Variants in RCAN2 observed in about 807,000 individuals in gnomAD.
RCAN2 encodes the protein regulator of calcineurin 2.
RCAN2 carries 9 observed loss-of-function variants against 23.6 expected under a neutral mutation model. That is an observed-to-expected ratio of 0.38 (90% confidence interval 0.23 to 0.67). The LOEUF is 0.67. Ranked by LOEUF, RCAN2 falls within the 30% of genes least tolerant of loss-of-function variation. The pLI is 0.51. For synonymous variants in RCAN2, 109 were observed against 115.7 expected (o/e 0.94, Z 0.37); for missense variants, 273 against 302.3 (o/e 0.90, Z 0.72).
At chr6:46,395,285 C>T (rs1355831150) in intron 2 of RCAN2, among the ~76,000 whole-genome samples, 2 of 152,072 alleles carry the variant, frequency 1.3e-5, no homozygotes, top group African/African-American at 2.4e-5. Flanking sequence ...AGATAAGATG[C>T]AAGCTGAGTC....
chr6:46,302,140 T>C (rs1002170150), intron 2 of RCAN2, among the ~76,000 whole-genome samples: 5 of 151,948 alleles, frequency 3.3e-5, no homozygotes, highest in South Asian at 2.1e-4. Context: ...GTGAAATCAA[T>C]AGGACTTGCT....
chr6:46,247,929 G>A (rs1766576806), intron 3 of RCAN2, among the ~76,000 whole-genome samples: 1 of 152,156 alleles, frequency 6.6e-6, no homozygotes, highest in Non-Finnish European at 1.5e-5. Context: ...TTAAAGACGA[G>A]GAAACTGAGG....
At chr6:46,246,958 T>G in intron 3 of RCAN2, 39 bp from the exon 4 acceptor site, 1 of 1,445,486 alleles carries the variant, frequency 6.9e-7, no homozygotes, top group Non-Finnish European at 9.2e-7. Context: ...TTATTCATCA[T>G]GGCTTCAGAT....
In RCAN2 at chr6:46,369,519, C is replaced by T. The variant is rs531645252; in HGVS notation, c.225+87233G>A. On this transcript the variant is annotated intron_variant, in intron 2 of 4. Transcript: ENST00000371374. The stretch of plus-strand genomic sequence containing the variant: ...TTGCATCACAACGTTAGGATGGCTA[C>T]CACATCACTAGGTAACAGAAATTTT... 3.2e-4 allele frequency among the ~76,000 whole-genome samples: 49 copies of T among 152,232 alleles called. 1 individual carries two copies. The South Asian group carries it at 8.3e-3, about 26-fold the overall frequency.
chr6:46,425,002 C>T (rs1226325883), intron 2 of RCAN2, among the ~76,000 whole-genome samples: 1 of 152,136 alleles, frequency 6.6e-6, no homozygotes, highest in Non-Finnish European at 1.5e-5. Flanking sequence ...TTGTATAATA[C>T]ATACCAAGTA....
intron 2 of RCAN2, among the ~76,000 whole-genome samples, chr6:46,250,737 G>A (rs1004437948): frequency 6.6e-6 from 1 of 152,186 alleles, no homozygotes; most frequent in Non-Finnish European, 1.5e-5. Context: ...ATTTTAATAA[G>A]AGCATTTATA....
intron 1 of RCAN2, among the ~76,000 whole-genome samples, chr6:46,487,756 T>A (rs971800350): frequency 1.3e-5 from 2 of 152,214 alleles, no homozygotes; most frequent in Non-Finnish European, 2.9e-5. Context: ...GGCACTCCCA[T>A]TAGCTCTGTA....
chr6:46,357,108 G>C (rs999813672), intron 2 of RCAN2, among the ~76,000 whole-genome samples: 1 of 152,172 alleles, frequency 6.6e-6, no homozygotes, highest in African/African-American at 2.4e-5. Context: ...TGCCATATCA[G>C]GCTGCCTCTG....
chr6:46,454,852 C>G (rs974628426), intron 2 of RCAN2, among the ~76,000 whole-genome samples: 5 of 152,182 alleles, frequency 3.3e-5, no homozygotes, highest in Admixed American at 6.5e-5. Context: ...CCCATGAACT[C>G]CCCCCTCCAG....
At chr6:46,469,814 C>T (rs1465369851) in intron 1 of RCAN2, among the ~76,000 whole-genome samples, 3 of 152,148 alleles carry the variant, frequency 2.0e-5, no homozygotes, top group Non-Finnish European at 4.4e-5. Flanking sequence ...AAGGGCTTCT[C>T]CCCTTGTGAA....
At chr6:46,349,290 C>G (rs1764577982) in intron 2 of RCAN2, among the ~76,000 whole-genome samples, 1 of 152,042 alleles carries the variant, frequency 6.6e-6, no homozygotes, top group African/African-American at 2.4e-5. Context: ...ACAGATAACA[C>G]AAGTAAAGAA....
intron 4 of RCAN2, among the ~76,000 whole-genome samples, chr6:46,228,703 C>G (rs1284562647): frequency 6.6e-6 from 1 of 152,138 alleles, no homozygotes; most frequent in Non-Finnish European, 1.5e-5. Flanking sequence ...GAATACAGCA[C>G]ACTGATGGGT....
intron 4 of RCAN2, among the ~76,000 whole-genome samples, chr6:46,242,111 G>A (rs1272493903): frequency 1.3e-5 from 2 of 152,180 alleles, no homozygotes; most frequent in South Asian, 2.1e-4. Flanking sequence ...GTCTCCTGTC[G>A]CAACATCTTA....
At chr6:46,419,047 A>T (rs1198613881) in intron 2 of RCAN2, among the ~76,000 whole-genome samples, 3 of 152,030 alleles carry the variant, frequency 2.0e-5, no homozygotes, top group African/African-American at 7.2e-5. Flanking sequence ...AAAATAACAT[A>T]ATTTGGCTAC....
chr6:46,365,197 T>G (rs141012322), intron 2 of RCAN2, among the ~76,000 whole-genome samples: 1,662 of 152,156 alleles, frequency 0.011, 16 homozygotes, highest in Non-Finnish European at 0.018. Context: ...GTCTTCTAGC[T>G]AGGCACGGTG....
intron 2 of RCAN2, among the ~76,000 whole-genome samples, chr6:46,435,608 A>G (rs1767341836): frequency 6.6e-6 from 1 of 152,244 alleles, no homozygotes; most frequent in African/African-American, 2.4e-5. Context: ...AAGCACCCGC[A>G]GAGGAATGTA....
At chr6:46,319,104 AG>A (rs1444662850) in intron 2 of RCAN2, among the ~76,000 whole-genome samples, 1 of 152,230 alleles carries the variant, frequency 6.6e-6, no homozygotes, top group Non-Finnish European at 1.5e-5. Flanking sequence ...AAGAAATTCT[AG>A]GCCAGGTATG....
At chr6:46,268,053 CA>C (rs1181973632) in intron 2 of RCAN2, among the ~76,000 whole-genome samples, 1 of 152,032 alleles carries the variant, frequency 6.6e-6, no homozygotes, top group African/African-American at 2.4e-5. Context: ...ATGCAATAAA[CA>C]AAAAATAAAT....
chr6:46,305,199 G>T (rs1340197265), intron 2 of RCAN2, among the ~76,000 whole-genome samples: 1 of 152,074 alleles, frequency 6.6e-6, no homozygotes, highest in African/African-American at 2.4e-5. Flanking sequence ...GAAACCACTT[G>T]GTAGTCAATG....
Sources: allele counts gnomAD v4.1 joint callset (sites outside exome capture counted in the v4.1 genomes callset), GRCh38; gene constraint gnomAD v4.1.1; transcripts MANE v1.5; gene names NCBI Gene and HGNC (gene_info 2026-07-23, HGNC 2026-07-21).